Variants in FRMPD4 observed in about 807,000 individuals in gnomAD.
FRMPD4 encodes FERM and PDZ domain containing 4, also known as FERM and PDZ domain-containing protein 4.
Under a neutral mutation model 94.1 loss-of-function variants are expected in FRMPD4, and 22 were observed. That is an observed-to-expected ratio of 0.23 (90% CI 0.17 to 0.33). The LOEUF is 0.33. Among genes scored for constraint, FRMPD4 ranks in the 10% least tolerant of loss-of-function variants. The pLI is 1.00. For synonymous variants in FRMPD4, 631 were observed against 548.6 expected (o/e 1.15, Z -2.10); for missense variants, 1,111 against 1,339.9 (o/e 0.83, Z 2.67).
intron 3 of FRMPD4, among the ~76,000 whole-genome samples, chrX:11,889,597 G>T (rs2053863385): frequency 8.9e-6 from 1 of 112,312 alleles, no homozygotes; most frequent in Non-Finnish European, 1.9e-5. Flanking sequence ...GCTATTAATT[G>T]CCATATAACA....
chrX:12,716,211 C>T lies in FRMPD4; in HGVS notation c.1752C>T (p.Asp584=), dbSNP rs771145309. The part of the protein sequence containing the change: ...DSKQKTVEIT[D]STMCPKEHRH... ...AGCAGAAGACGGTGGAGATCACAGA[C>T]AGCACCATGTGTCCAAAAGAGCACC... Residue 584 remains aspartate, a synonymous_variant, in exon 15 of 17, where the codon GAC becomes GAT. Transcript: ENST00000675598. 1 of 1,208,446 alleles carries T rather than the reference C, an allele frequency of 8.3e-7. No homozygotes were observed. The highest frequency in any genetic ancestry group is 1.1e-6 in the Non-Finnish European group (1 of 892,674).
At chrX:12,502,730 G>A (rs910647795) in intron 2 of FRMPD4, among the ~76,000 whole-genome samples, 76 of 112,103 alleles carry the variant, frequency 6.8e-4, no homozygotes, top group African/African-American at 2.3e-3. Flanking sequence ...TTAATACAGA[G>A]ATAGATGGGT....
intron 1 of FRMPD4, among the ~76,000 whole-genome samples, chrX:12,457,289 A>G (rs1172229123): frequency 8.9e-6 from 1 of 111,838 alleles, no homozygotes; most frequent in Non-Finnish European, 1.9e-5. Context: ...GAGAAGAAGA[A>G]TCTAGTTCAT....
intron 1 of FRMPD4, among the ~76,000 whole-genome samples, chrX:12,174,676 A>G (rs151164690): frequency 0.01 from 1,138 of 111,347 alleles, 21 homozygotes; most frequent in African/African-American, 0.036. Flanking sequence ...TCAACTGGAG[A>G]GCCAATAACA....
chrX:12,472,275 G>T (rs73438710), intron 1 of FRMPD4, among the ~76,000 whole-genome samples: 1,920 of 112,084 alleles, frequency 0.017, 41 homozygotes, highest in African/African-American at 0.058. Context: ...GACAAGTCCA[G>T]TTTCAGCTGC....
At chrX:12,239,736 T>C (rs1039167035) in intron 1 of FRMPD4, among the ~76,000 whole-genome samples, 2 of 111,924 alleles carry the variant, frequency 1.8e-5, no homozygotes, top group African/African-American at 6.5e-5. Context: ...AGGCTAGAAG[T>C]CTGAAATCAG....
chrX:12,659,267 G>A (rs748817490), intron 4 of FRMPD4, among the ~76,000 whole-genome samples: 1 of 112,717 alleles, frequency 8.9e-6, no homozygotes, highest in South Asian at 3.6e-4. Flanking sequence ...ATGGCATGGT[G>A]GCCTACCTCC....
At chrX:12,352,445 A>C (rs955149824) in intron 1 of FRMPD4, among the ~76,000 whole-genome samples, 9 of 112,344 alleles carry the variant, frequency 8.0e-5, no homozygotes, top group African/African-American at 2.9e-4. Context: ...GGGATTATGA[A>C]CTTCAAATTA....
At chrX:12,383,099 G>C (rs2056349385) in intron 1 of FRMPD4, among the ~76,000 whole-genome samples, 1 of 111,729 alleles carries the variant, frequency 9.0e-6, no homozygotes, top group South Asian at 3.8e-4. Context: ...TCAGTGAGTA[G>C]GATAGCTCCT....
intron 2 of FRMPD4, among the ~76,000 whole-genome samples, chrX:11,869,651 C>T (rs772667743): frequency 1.8e-5 from 2 of 111,122 alleles, no homozygotes; most frequent in Non-Finnish European, 3.8e-5. Context: ...ATTAAAATCA[C>T]GGTTGAATTT....
At chrX:12,400,393 A>G (rs1219226619) in intron 1 of FRMPD4, among the ~76,000 whole-genome samples, 1 of 111,955 alleles carries the variant, frequency 8.9e-6, no homozygotes, top group East Asian at 2.8e-4. Context: ...TAAGCCTACA[A>G]TTACGGGAGG....
chrX:12,468,300 A>G (rs932441607), intron 1 of FRMPD4, among the ~76,000 whole-genome samples: 6 of 112,385 alleles, frequency 5.3e-5, no homozygotes, highest in African/African-American at 1.9e-4. Flanking sequence ...AATGGTGTCA[A>G]AGAGCTAGAA....
chrX:12,721,035 G>A lies in FRMPD4; in HGVS notation c.4466G>A (p.Arg1489Gln), dbSNP rs941587889. 22 of 755,326 alleles carry A rather than the reference G, an allele frequency of 2.9e-5. No individual in the cohort carries two copies. The highest frequency in any genetic ancestry group is 6.8e-5 in the South Asian group (1 of 14,727). 62.2% of individuals were successfully genotyped at this position (755,326 alleles called of 1,213,427 possible). The change falls in exon 17 of 17, where the codon CGG (arginine) becomes CAG (glutamine). Residue 1489 changes from arginine to glutamine, a missense_variant. By Grantham distance (43) the Arg-to-Gln change is conservative. Coordinates refer to ENST00000675598, the MANE Select transcript of FRMPD4 (RefSeq NM_001368397.1). The part of the protein sequence containing the change: ...DSKLYRTLPL[R>Q]KLEGSNWRCR... Reference sequence around the variant, plus strand: ...AAGCTGTATAGGACATTACCCTTGCGGAAGCTGGAGGGCAGCAATTGGAGA... The same window carrying A: ...AAGCTGTATAGGACATTACCCTTGCAGAAGCTGGAGGGCAGCAATTGGAGA...
intron 3 of FRMPD4, among the ~76,000 whole-genome samples, chrX:12,001,822 ATC>A (rs1338156918): frequency 2.7e-5 from 3 of 112,173 alleles, no homozygotes; most frequent in African/African-American, 9.7e-5. Context: ...TGCATTAATA[ATC>A]TCTCCATCAT....
At chrX:12,156,169 C>T (rs764184055) in intron 1 of FRMPD4, among the ~76,000 whole-genome samples, 8 of 111,474 alleles carry the variant, frequency 7.2e-5, no homozygotes, top group South Asian at 3.9e-4. Context: ...AACATCCTAA[C>T]GTGAGTAAAA....
At chrX:12,382,686 T>TG (rs928686827) in intron 1 of FRMPD4, among the ~76,000 whole-genome samples, 4 of 111,814 alleles carry the variant, frequency 3.6e-5, no homozygotes, top group African/African-American at 1.3e-4. Context: ...CCGAGGAATG[T>TG]GGGGAATGAC....
chrX:11,871,452 T>G (rs1201949166), intron 2 of FRMPD4, among the ~76,000 whole-genome samples: 1 of 112,677 alleles, frequency 8.9e-6, no homozygotes, highest in Non-Finnish European at 1.9e-5. Context: ...TGGCCACATT[T>G]GATAAAAATA....
chrX:12,329,227 C>A (rs1022019140), intron 1 of FRMPD4, among the ~76,000 whole-genome samples: 3 of 111,841 alleles, frequency 2.7e-5, no homozygotes, highest in Admixed American at 9.5e-5. Flanking sequence ...TGGGGCAGAA[C>A]CCTCTCTGGA....
chrX:11,982,048 G>C (rs1212972818), intron 3 of FRMPD4, among the ~76,000 whole-genome samples: 1 of 111,628 alleles, frequency 9.0e-6, no homozygotes, highest in Non-Finnish European at 1.9e-5. Flanking sequence ...ACTTTTTTCT[G>C]TGTCTCAGAC....
Sources: gnomAD v4.1 joint callset for allele counts (sites outside exome capture counted in the v4.1 genomes callset) on GRCh38, gnomAD v4.1.1 for gene constraint, MANE v1.5 for transcripts, NCBI Gene and HGNC (gene_info 2026-07-23, HGNC 2026-07-21) for gene names.